SUSD5: variants seen among roughly 807,000 people sequenced by gnomAD.
SUSD5 encodes sushi domain containing 5, also known as sushi domain-containing protein 5.
A neutral mutation model predicts 29.5 loss-of-function variants in SUSD5; 33 were observed. The observed-to-expected ratio is 1.12, with a 90% CI of 0.85 to 1.49. The LOEUF is 1.49. Ranked by LOEUF, SUSD5 falls within the 40% of genes most tolerant of loss-of-function variation. SUSD5 has a pLI of 0.00. For missense variants in SUSD5, 776 were observed against 800.6 expected, an observed-to-expected ratio of 0.97 and a Z score of 0.37; for synonymous variants, 308 against 325.3, an observed-to-expected ratio of 0.95 and a Z score of 0.57.
chr3:33,169,382 G>T (rs1318797810), intron 4 of SUSD5, among the ~76,000 whole-genome samples: 2 of 151,966 alleles, frequency 1.3e-5, no homozygotes, highest in African/African-American at 4.8e-5. Context: ...CACCACGCCC[G>T]GCTAAGTTTT....
intron 4 of SUSD5, chr3:33,168,620 A>T (rs754546391): frequency 9.2e-6 from 9 of 979,222 alleles, no homozygotes; most frequent in Middle Eastern, 5.2e-4. Context: ...CATGATGCAG[A>T]TATCAGGACA....
At chr3:33,180,279 G>A (rs2031640459) in intron 3 of SUSD5, among the ~76,000 whole-genome samples, 1 of 152,172 alleles carries the variant, frequency 6.6e-6, no homozygotes, top group Non-Finnish European at 1.5e-5. Context: ...GTCAAACAGT[G>A]ATATTGGTGA....
Position 33,209,612 on chromosome 3 carries a change from C to T in SUSD5, c.291-1686G>A, listed in dbSNP as rs79312419. Among the ~76,000 whole-genome samples the T allele has an allele frequency of 3.8e-3, 539 of 141,808 alleles. 2 individuals carry two copies. The highest frequency in any genetic ancestry group is 0.012 in the African/African-American group (464 of 38,510). 93.0% of individuals were successfully genotyped at this position (141,808 alleles called of 152,430 possible). ...TTCCTTCCTTCCTTCCTCTTTCTCT[C>T]TTCCTTCCTTCCTTTTCTTTTCTTT... is the stretch of plus-strand genomic sequence containing the variant. On this transcript the variant is annotated intron_variant, in intron 2 of 4. Transcript: ENST00000309558.
At chr3:33,170,672 G>A (rs2125619123) in intron 4 of SUSD5, among the ~76,000 whole-genome samples, 1 of 152,336 alleles carries the variant, frequency 6.6e-6, no homozygotes, top group East Asian at 1.9e-4. Context: ...TCTCTATCAA[G>A]TCTGAAAGCC....
chr3:33,152,556 T>C lies in SUSD5; in HGVS notation c.*186A>G, dbSNP rs961210411. The C allele has an allele frequency of 1.1e-5, 7 of 611,086 alleles. No individual in the cohort carries two copies. The African/African-American group carries it at 1.3e-4, about 11-fold the overall frequency. The allele number at this position is 611,086 out of a possible 1,614,324, so 37.9% of individuals were successfully genotyped here. On this transcript the variant is annotated 3_prime_UTR_variant, in exon 5 of 5. Transcript: ENST00000309558. ...GTGGAGGAGACATTGACATGAGTGATGATGTCACCAAAGCCTCCCTGCCCT... is the reference window on the plus strand; with the variant it reads ...GTGGAGGAGACATTGACATGAGTGACGATGTCACCAAAGCCTCCCTGCCCT...
In SUSD5 at chr3:33,204,615, C is replaced by A. The variant is rs2032180031; in HGVS notation, c.409+3193G>T. On this transcript the variant is annotated intron_variant, in intron 3 of 4. Transcript: ENST00000309558. The surrounding 1 kb of genome is among the most constrained non-coding windows in gnomAD (Gnocchi z 4.5). ...GGATTACAGGCTTGAGCCACCACAC[C>A]CGGCCTGTTTTATTTTGTTTTGTTT... is the stretch of plus-strand genomic sequence containing the variant. Among the ~76,000 whole-genome samples the A allele has an allele frequency of 6.9e-6, 1 of 145,848 alleles. No individual in the cohort carries two copies. Among genetic ancestry groups the A allele is most frequent in the African/African-American group, 2.6e-5 (1 of 38,920 alleles).
intron 3 of SUSD5, among the ~76,000 whole-genome samples, chr3:33,181,309 A>G (rs1299036420): frequency 6.6e-6 from 1 of 151,480 alleles, no homozygotes; most frequent in African/African-American, 2.4e-5. Flanking sequence ...CAGTGCTGCA[A>G]GCGCCATGCA....
intron 3 of SUSD5, among the ~76,000 whole-genome samples, chr3:33,184,668 A>C (rs2031742758): frequency 6.6e-6 from 1 of 152,160 alleles, no homozygotes; most frequent in Non-Finnish European, 1.5e-5. Flanking sequence ...CATATCTTCA[A>C]CCGCAGATAT....
chr3:33,187,334 C>T (rs1489105754), intron 3 of SUSD5, among the ~76,000 whole-genome samples: 1 of 152,172 alleles, frequency 6.6e-6, no homozygotes, highest in Non-Finnish European at 1.5e-5. Flanking sequence ...TAGAATCTGG[C>T]TCAGGAAAAC....
intron 3 of SUSD5, among the ~76,000 whole-genome samples, chr3:33,194,113 G>A (rs753683036): frequency 1.1e-4 from 17 of 152,154 alleles, no homozygotes; most frequent in Non-Finnish European, 2.2e-4. Context: ...CCACTAAACT[G>A]GCTCATCTGG....
rs1293726823 is a variant in SUSD5, at chr3:33,167,179, C to CAA, written c.598+7705_598+7706dup. 3.2e-4 allele frequency among the ~76,000 whole-genome samples: 48 copies of CAA among 148,806 alleles called. 1 individual carries two copies. In the Middle Eastern group the frequency reaches 0.014, roughly 44 times the overall value. ...GGGCAACAAGAGCGAGACTCCATCT[C>CAA]AAAAAAATATATATATATATAAATA... On this transcript the variant is annotated intron_variant, in intron 4 of 4. Transcript: ENST00000309558. The surrounding 1 kb of genome is among the most constrained non-coding windows in gnomAD (Gnocchi z 4.1).
chr3:33,206,875 C>T lies in SUSD5; in HGVS notation c.409+933G>A, dbSNP rs140915052. On this transcript the variant is annotated intron_variant, in intron 3 of 4. Coordinates refer to ENST00000309558, the MANE Select transcript of SUSD5 (RefSeq NM_015551.2). ...AGAACATTTAAATCAGAATCTTTAG[C>T]GCTGGCACTGAGGCATCAGTATTTT... is the stretch of plus-strand genomic sequence containing the variant. Among the ~76,000 whole-genome samples the T allele has an allele frequency of 3.9e-4, 59 of 152,224 alleles. No individual in the cohort carries two copies. The East Asian group carries it at 5.6e-3, about 14-fold the overall frequency.
intron 4 of SUSD5, among the ~76,000 whole-genome samples, chr3:33,171,149 A>G (rs1575531552): frequency 1.3e-5 from 2 of 152,162 alleles, no homozygotes; most frequent in South Asian, 4.1e-4. Flanking sequence ...GGAGTTCAAG[A>G]CCAGCCTAGC....
chr3:33,208,624 C>A (rs904382124), intron 2 of SUSD5, among the ~76,000 whole-genome samples: 8 of 151,728 alleles, frequency 5.3e-5, no homozygotes, highest in Admixed American at 1.3e-4. Flanking sequence ...CTGAATTATT[C>A]TTCTTCTTTT....
intron 4 of SUSD5, among the ~76,000 whole-genome samples, chr3:33,161,217 T>C (rs2031181416): frequency 6.6e-6 from 1 of 152,234 alleles, no homozygotes; most frequent in African/African-American, 2.4e-5. Flanking sequence ...TTCAGAACAT[T>C]TGACAATAGC....
intron 1 of SUSD5, among the ~76,000 whole-genome samples, chr3:33,215,688 C>T (rs1293946123): frequency 6.6e-6 from 1 of 152,168 alleles, no homozygotes; most frequent in African/African-American, 2.4e-5. Context: ...CTTGGTTATA[C>T]TGCCTCTCAA....
At chr3:33,155,791 T>C (rs1422228318) in intron 4 of SUSD5, among the ~76,000 whole-genome samples, 2 of 152,178 alleles carry the variant, frequency 1.3e-5, no homozygotes, top group African/African-American at 4.8e-5. Flanking sequence ...ACACTCTGTG[T>C]TGATTCTATT....
Position 33,204,445 on chromosome 3 carries a change from C to T in SUSD5, c.409+3363G>A, listed in dbSNP as rs906700389. Among the ~76,000 whole-genome samples the T allele has an allele frequency of 1.3e-5, 2 of 151,464 alleles. No individual in the cohort carries two copies. Among genetic ancestry groups the T allele is most frequent in the African/African-American group, 2.4e-5 (1 of 41,152 alleles). ...ACACCATTCTCCTGCCTCAGCCTCC[C>T]GAGCAGCTGGGACGACAGGTGCCCA... is the stretch of plus-strand genomic sequence containing the variant. On this transcript the variant is annotated intron_variant, in intron 3 of 4. Transcript: ENST00000309558. The surrounding 1 kb of genome is among the most constrained non-coding windows in gnomAD (Gnocchi z 4.5).
rs1464477148 is a variant in SUSD5 at position 33,170,339 on chromosome 3, T to C, written c.598+4547A>G. Among the ~76,000 whole-genome samples, 4 of 152,168 alleles carry C rather than the reference T, an allele frequency of 2.6e-5. No homozygotes were observed. The East Asian group carries it at 5.8e-4, about 22-fold the overall frequency. On this transcript the variant is annotated intron_variant, in intron 4 of 4. Coordinates refer to ENST00000309558, the MANE Select transcript of SUSD5 (RefSeq NM_015551.2). ...TGGGAATGGAAACCAAGAACATGTGTGGATTTTGACAGGATTATGGAAGAC... is the reference window on the plus strand; with the variant it reads ...TGGGAATGGAAACCAAGAACATGTGCGGATTTTGACAGGATTATGGAAGAC...
Sources: gnomAD v4.1 joint callset for allele counts (sites outside exome capture counted in the v4.1 genomes callset) on GRCh38, gnomAD v4.1.1 for gene constraint, Gnocchi (gnomAD v3.1) non-coding constraint, MANE v1.5 for transcripts, NCBI Gene and HGNC (gene_info 2026-07-23, HGNC 2026-07-21) for gene names.